Variants in QTMAN observed in about 807,000 individuals in gnomAD.
The protein encoded by QTMAN is queuosine-tRNA mannosyltransferase, also known as tRNA-queuosine alpha-mannosyltransferase.
chr2:144,019,758 A>G, the QTMAN span, among the ~76,000 whole-genome samples: 9 of 152,180 alleles, frequency 5.9e-5, no homozygotes, highest in Non-Finnish European at 1.3e-4. Flanking sequence ...GAGTGAAGTG[A>G]AAGTACACCC....
At chr2:144,187,150 G>C in the QTMAN span, among the ~76,000 whole-genome samples, 1 of 152,166 alleles carries the variant, frequency 6.6e-6, no homozygotes. Flanking sequence ...CTTTGTGGTT[G>C]TCTTGTCTGT....
chr2:144,187,190 C>T, the QTMAN span, among the ~76,000 whole-genome samples: 1 of 152,114 alleles, frequency 6.6e-6, no homozygotes, highest in African/African-American at 2.4e-5. Context: ...ATACCTGAGA[C>T]TGAATAATTT....
the QTMAN span, among the ~76,000 whole-genome samples, chr2:144,043,249 G>GTGTA: frequency 3.3e-5 from 5 of 152,002 alleles, no homozygotes; most frequent in East Asian, 9.6e-4. Context: ...GTGTGTGTGT[G>GTGTA]TGTGTTTAAC....
the QTMAN span, among the ~76,000 whole-genome samples, chr2:144,322,407 C>T: frequency 6.6e-6 from 1 of 152,016 alleles, no homozygotes; most frequent in South Asian, 2.1e-4. Flanking sequence ...TAAGACAATA[C>T]ATTTTAGGAA....
the QTMAN span, among the ~76,000 whole-genome samples, chr2:143,988,191 T>C: frequency 1.3e-5 from 2 of 152,140 alleles, no homozygotes; most frequent in Non-Finnish European, 2.9e-5. Flanking sequence ...GAACCACATT[T>C]TCCAAGCCCT....
chr2:144,115,101 C>T, the QTMAN span, among the ~76,000 whole-genome samples: 1 of 151,958 alleles, frequency 6.6e-6, no homozygotes, highest in African/African-American at 2.4e-5. Context: ...TGTGGTGGCA[C>T]ACAACTGTAC....
chr2:144,198,632 C>T, the QTMAN span, among the ~76,000 whole-genome samples: 1 of 152,150 alleles, frequency 6.6e-6, no homozygotes, highest in Non-Finnish European at 1.5e-5. Context: ...CACCCTAAAA[C>T]TTTCAGTTAC....
At chr2:144,067,792 G>A in the QTMAN span, among the ~76,000 whole-genome samples, 1 of 152,196 alleles carries the variant, frequency 6.6e-6, no homozygotes, top group Non-Finnish European at 1.5e-5. Context: ...CCAATTTTCT[G>A]TCTGGTATAA....
chr2:144,086,210 T>C, the QTMAN span, among the ~76,000 whole-genome samples: 1 of 152,332 alleles, frequency 6.6e-6, no homozygotes, highest in South Asian at 2.1e-4. Flanking sequence ...ATTTTGCTCT[T>C]AGCATTTTGA....
chr2:144,192,170 A>G, the QTMAN span, among the ~76,000 whole-genome samples: 1,688 of 152,028 alleles, frequency 0.011, 28 homozygotes, highest in African/African-American at 0.037. Flanking sequence ...ACAGTGGTGC[A>G]ATCTCAGCTC....
At chr2:143,984,634 C>A in the QTMAN span, among the ~76,000 whole-genome samples, 1 of 152,286 alleles carries the variant, frequency 6.6e-6, no homozygotes, top group South Asian at 2.1e-4. Context: ...CTGAATGTTG[C>A]CTTTTGGCTC....
the QTMAN span, among the ~76,000 whole-genome samples, chr2:144,193,505 CGT>C: frequency 3.9e-3 from 572 of 146,012 alleles, 4 homozygotes; most frequent in African/African-American, 0.012. Context: ...ATATATATTA[CGT>C]GTGTGTGTGT....
At chr2:144,141,318 G>A in the QTMAN span, among the ~76,000 whole-genome samples, 1 of 151,086 alleles carries the variant, frequency 6.6e-6, no homozygotes, top group Non-Finnish European at 1.5e-5. Flanking sequence ...AGCAGCAAGG[G>A]TAATAAAAAA....
At chr2:144,183,832 C>A in the QTMAN span, among the ~76,000 whole-genome samples, 1 of 152,190 alleles carries the variant, frequency 6.6e-6, no homozygotes, top group African/African-American at 2.4e-5. Flanking sequence ...ACTTGGTAGC[C>A]TGACTCTAGC....
chr2:144,073,839 T>C, the QTMAN span, among the ~76,000 whole-genome samples: 49 of 152,274 alleles, frequency 3.2e-4, no homozygotes, highest in Non-Finnish European at 5.4e-4. Context: ...TTGTGTTGAG[T>C]GAAACGTACA....
chr2:143,945,192 T>G, the QTMAN span: 4 of 152,236 alleles, frequency 2.6e-5, 1 homozygote, highest in African/African-American at 9.6e-5. Flanking sequence ...AATTTCTTAT[T>G]CATATTTATA....
chr2:144,054,727 A>G, the QTMAN span, among the ~76,000 whole-genome samples: 1 of 152,262 alleles, frequency 6.6e-6, no homozygotes, highest in African/African-American at 2.4e-5. Context: ...TCTGAGGCCA[A>G]CTGTTCTGGG....
At chr2:144,243,119 A>T in the QTMAN span, among the ~76,000 whole-genome samples, 102 of 152,306 alleles carry the variant, frequency 6.7e-4, no homozygotes, top group African/African-American at 2.3e-3. Flanking sequence ...GGTAAGCTTT[A>T]AATATTCACA....
chr2:144,272,077 T>C, the QTMAN span, among the ~76,000 whole-genome samples: 1 of 152,152 alleles, frequency 6.6e-6, no homozygotes, highest in Non-Finnish European at 1.5e-5. Flanking sequence ...CTGATATTGT[T>C]CTCTGTGTAG....
Sources: allele counts gnomAD v4.1 joint callset (sites outside exome capture counted in the v4.1 genomes callset), GRCh38; gene constraint gnomAD v4.1.1; transcripts MANE v1.5; gene names NCBI Gene and HGNC (gene_info 2026-07-23, HGNC 2026-07-21).